PDZD2: variants seen among roughly 807,000 people sequenced by gnomAD.
The protein encoded by PDZD2 is PDZ domain containing 2.
A neutral mutation model predicts 220.7 loss-of-function variants in PDZD2; 90 were observed. The observed-to-expected ratio is 0.41, with a 90% CI of 0.34 to 0.49. PDZD2 has a LOEUF of 0.49. Ranked by LOEUF, PDZD2 falls within the 20% of genes least tolerant of loss-of-function variation. The pLI, the probability that PDZD2 is intolerant of heterozygous loss-of-function variation, is 0.28. For synonymous variants in PDZD2, 1,375 were observed against 1,450.5 expected (o/e 0.95, Z 1.18); for missense variants, 3,174 against 3,608.5 (o/e 0.88, Z 3.08).
At chr5:31,784,848 A>C (rs919889167) in intron 1 of PDZD2, among the ~76,000 whole-genome samples, 6 of 152,114 alleles carry the variant, frequency 3.9e-5, no homozygotes, top group Non-Finnish European at 7.4e-5. Context: ...TGGAGGTTGC[A>C]GTGAGCCGAG....
chr5:31,925,232 A>G (rs936012175), intron 2 of PDZD2, among the ~76,000 whole-genome samples: 14 of 152,140 alleles, frequency 9.2e-5, no homozygotes, highest in African/African-American at 3.1e-4. Flanking sequence ...GTCTATAATA[A>G]CTAAAACAGC....
intron 2 of PDZD2, among the ~76,000 whole-genome samples, chr5:31,962,892 G>A (rs1748386538): frequency 6.6e-6 from 1 of 152,162 alleles, no homozygotes; most frequent in Non-Finnish European, 1.5e-5. Flanking sequence ...CCGGTGTGAA[G>A]TTCAAGAAAT....
chr5:32,052,846 T>A, intron 9 of PDZD2, 116 bp downstream of exon 9: 2 of 1,107,926 alleles, frequency 1.8e-6, no homozygotes, highest in Non-Finnish European at 2.7e-6. Flanking sequence ...GTTCTTGCTC[T>A]GTTGCCCAGG....
At chr5:32,031,040 C>A (rs2112192582) in intron 6 of PDZD2, among the ~76,000 whole-genome samples, 1 of 152,308 alleles carries the variant, frequency 6.6e-6, no homozygotes, top group East Asian at 1.9e-4. Flanking sequence ...CCTTCCAAAG[C>A]TCTTCCTCTG....
chr5:31,972,665 C>T (rs1030792929), intron 2 of PDZD2, among the ~76,000 whole-genome samples: 6 of 152,116 alleles, frequency 3.9e-5, no homozygotes, highest in African/African-American at 1.4e-4. Flanking sequence ...ATTTTATGAA[C>T]AAAAATAGCA....
At chr5:31,887,240 C>T (rs970531476) in intron 2 of PDZD2, among the ~76,000 whole-genome samples, 13 of 152,146 alleles carry the variant, frequency 8.5e-5, no homozygotes, top group South Asian at 4.1e-4. Context: ...ATTTTACACA[C>T]GCACACACAA....
In PDZD2 at chr5:32,087,376, G is replaced by A. The variant is rs1742581068; in HGVS notation, c.3928G>A (p.Glu1310Lys). 1 of 1,613,956 alleles carries A rather than the reference G, an allele frequency of 6.2e-7. No individual in the cohort carries two copies. Among genetic ancestry groups the A allele is most frequent in the Admixed American group, 1.7e-5 (1 of 60,006 alleles). ...PDYSKTRSAS[E>K]TSTPHNTRRV... is the part of the protein sequence containing the mutation. ...CTACAGCAAGACTCGATCAGCATCG[G>A]AAACCAGCACACCCCACAATACCAG... The change falls in exon 20 of 25, where the codon GAA becomes AAA. Residue 1310 changes from glutamate to lysine, a missense_variant. Around this residue, in one of 4 missense-constraint regions of PDZD2, gnomAD observed 1,861 missense variants for 2,001.0 expected, o/e 0.93. Coordinates refer to ENST00000438447, the MANE Select transcript of PDZD2 (RefSeq NM_178140.4). This position sits in a 1 kb window ranked among gnomAD's most constrained non-coding sequence, Gnocchi z 4.0.
chr5:32,093,357 T>C (rs1450541833), intron 21 of PDZD2, among the ~76,000 whole-genome samples: 5 of 152,134 alleles, frequency 3.3e-5, no homozygotes, highest in Non-Finnish European at 5.9e-5. Flanking sequence ...ATCTCGGAAA[T>C]ACCTCTCGCC....
In PDZD2 at chr5:32,052,418, T is replaced by C; in HGVS notation, c.1666-193T>C. On this transcript the variant is annotated intron_variant, in intron 8 of 24. Coordinates refer to ENST00000438447, the MANE Select transcript of PDZD2 (RefSeq NM_178140.4). ...GCCTTGGCCTCCCAAAGTGCTGGGA[T>C]TACAGGCATGAGCCACGGTGCCCAG... 4 of 508,380 alleles carry C rather than the reference T, an allele frequency of 7.9e-6. No individual in the cohort carries two copies. The South Asian group carries it at 8.7e-5, about 11-fold the overall frequency. 31.5% of individuals were successfully genotyped at this position (508,380 alleles called of 1,614,324 possible). A position where few individuals can be genotyped will look rare whatever the true frequency, so the allele number is the denominator to read the frequency against.
rs768394344 is a variant in PDZD2 at position 32,091,127 on chromosome 5, C to T, written c.7679C>T (p.Thr2560Met). The T allele has an allele frequency of 1.3e-5, 21 of 1,592,918 alleles. No homozygotes were observed. Among genetic ancestry groups the T allele is most frequent in the African/African-American group, 9.4e-5 (7 of 74,538 alleles). Reference sequence around the variant, plus strand: ...GAGACACCCAGTTCAGCCAGTGATACGGGTGAAGCTGCCCAGGATCTGCCT... The same window carrying T: ...GAGACACCCAGTTCAGCCAGTGATATGGGTGAAGCTGCCCAGGATCTGCCT... ...AAETPSSASD[T>M]GEAAQDLPFR... The change falls in exon 20 of 25, where the codon ACG becomes ATG. Residue 2560 changes from threonine (T) to methionine (M), a missense_variant. This residue lies in a region of PDZD2 where 631 missense variants were observed against 789.9 expected (regional missense o/e 0.80). Transcript: ENST00000438447.
In PDZD2 at chr5:32,074,460, C is replaced by T. The variant is rs755486262; in HGVS notation, c.3354C>T (p.His1118=). The change falls in exon 18 of 25, where the codon CAC becomes CAT. Residue 1118 remains histidine (H), a synonymous_variant. Transcript: ENST00000438447. The part of the protein sequence containing the change: ...QQKSEGLGSR[H]RPVARVSPHC... ...AAAGTGAAGGCCTGGGCTCCAGGCA[C>T]AGACCAGTGGCCAGGGTAAGCCCCC... is the stretch of plus-strand genomic sequence containing the variant. 3.1e-6 allele frequency: 5 copies of T among 1,614,102 alleles called. No individual in the cohort carries two copies. The African/African-American group carries it at 4.0e-5, about 13-fold the overall frequency.
chr5:31,690,687 C>G (rs4867370), intron 1 of PDZD2, among the ~76,000 whole-genome samples: 65,931 of 151,952 alleles, frequency 0.43, 14,523 homozygotes, highest in East Asian at 0.52. Flanking sequence ...CTCTGCCTGT[C>G]TCCTAAGAAT....
chr5:31,801,925 T>G (rs1754416277), intron 2 of PDZD2, among the ~76,000 whole-genome samples: 1 of 152,156 alleles, frequency 6.6e-6, no homozygotes, highest in East Asian at 1.9e-4. Context: ...TGGGATGAGA[T>G]GACTTTCCAG....
intron 2 of PDZD2, chr5:31,847,937 C>T: frequency 4.4e-6 from 2 of 457,760 alleles, no homozygotes; most frequent in Admixed American, 2.5e-5. Context: ...ACCATTCTCT[C>T]AATACATAAA....
chr5:31,868,897 A>C (rs1435666441), intron 2 of PDZD2, among the ~76,000 whole-genome samples: 1 of 152,150 alleles, frequency 6.6e-6, no homozygotes, highest in Admixed American at 6.5e-5. Context: ...CTCAGCCTCC[A>C]GAGTAGCTGG....
chr5:32,102,433 G>C (rs1338576496), intron 24 of PDZD2, among the ~76,000 whole-genome samples: 4 of 151,680 alleles, frequency 2.6e-5, no homozygotes, highest in Non-Finnish European at 5.9e-5. Flanking sequence ...GTGGCAGCCA[G>C]GATAGGCTGC....
chr5:31,847,505 C>T, intron 2 of PDZD2: 3 of 642,578 alleles, frequency 4.7e-6, no homozygotes, highest in South Asian at 3.0e-5. Context: ...ACAGCTTATG[C>T]ACACACTGCC....
At position 31,717,887 on chromosome 5, in the gene PDZD2, A is replaced by G. The variant is rs766568359; in HGVS notation, c.-361+78450A>G. ...CGTCCCTGGAAACCACTGTCTCTGG[A>G]AGGAGCCTGGAGCCAGCACAAGTCC... On this transcript the variant is annotated intron_variant, in intron 1 of 24. Coordinates refer to ENST00000438447, the MANE Select transcript of PDZD2 (RefSeq NM_178140.4). Among the ~76,000 whole-genome samples, 103 of 152,116 alleles carry G rather than the reference A, an allele frequency of 6.8e-4. 1 individual carries two copies. The highest frequency in any genetic ancestry group is 1.3e-3 in the Admixed American group (20 of 15,274).
intron 1 of PDZD2, among the ~76,000 whole-genome samples, chr5:31,700,956 A>G (rs1462766367): frequency 6.6e-6 from 1 of 152,186 alleles, no homozygotes; most frequent in Non-Finnish European, 1.5e-5. Flanking sequence ...TCTTCTTCCC[A>G]GTCCCTCTGT....
Sources: gnomAD v4.1 joint callset for allele counts (sites outside exome capture counted in the v4.1 genomes callset) on GRCh38, gnomAD v4.1.1 for gene constraint, gnomAD v4.1.1 regional missense constraint, Gnocchi (gnomAD v3.1) non-coding constraint, MANE v1.5 for transcripts, NCBI Gene and HGNC (gene_info 2026-07-23, HGNC 2026-07-21) for gene names.